The following VPS72 variants were observed in gnomAD, a reference collection of about 807,000 sequenced individuals.
The protein encoded by VPS72 is vacuolar protein sorting 72 homolog, also known as vacuolar protein sorting-associated protein 72 homolog.
In VPS72, 27 loss-of-function variants were observed where a neutral mutation model predicts 38.9. The ratio of observed to expected loss-of-function variants is 0.69; its 90% CI spans 0.51 to 0.96. The LOEUF is 0.96. VPS72 is among the 40% of genes least tolerant of loss of function. VPS72 has a pLI of 0.00. For synonymous variants in VPS72, 173 were observed against 186.3 expected, an observed-to-expected ratio of 0.93 and a Z score of 0.58; for missense variants, 360 against 479.5, an observed-to-expected ratio of 0.75 and a Z score of 2.33.
At chr1:151,188,749 C>CA (rs1162201211) in intron 1 of VPS72, among the ~76,000 whole-genome samples, 1 of 152,214 alleles carries the variant, frequency 6.6e-6, no homozygotes, top group Non-Finnish European at 1.5e-5. Flanking sequence ...ATCATCCCTC[C>CA]AGGGATGCCT....
intron 4 of VPS72, among the ~76,000 whole-genome samples, chr1:151,180,454 T>C (rs1364849117): frequency 6.6e-6 from 1 of 151,962 alleles, no homozygotes; most frequent in African/African-American, 2.4e-5. Context: ...CTTTTTCTTT[T>C]TTGAGACAGA....
At chr1:151,181,942 C>G (rs1312676861) in intron 4 of VPS72, among the ~76,000 whole-genome samples, 2 of 152,158 alleles carry the variant, frequency 1.3e-5, no homozygotes, top group Non-Finnish European at 2.9e-5. Flanking sequence ...TGGTCTTGAA[C>G]TCCTGGGCTC....
chr1:151,181,188 C>T (rs1420708004), intron 4 of VPS72, among the ~76,000 whole-genome samples: 1 of 152,074 alleles, frequency 6.6e-6, no homozygotes, highest in East Asian at 1.9e-4. Flanking sequence ...CCCTTCAACA[C>T]TGCATGGCCA....
chr1:151,180,487 G>T (rs992121838), intron 4 of VPS72, among the ~76,000 whole-genome samples: 54 of 151,612 alleles, frequency 3.6e-4, no homozygotes, highest in African/African-American at 1.3e-3. Context: ...CGCCAGGTTG[G>T]AGTACAGTGG....
Position 151,184,373 on chromosome 1 carries a change from T to C in VPS72, c.506A>G (p.Gln169Arg), listed in dbSNP as rs1419901822. The C allele has an allele frequency of 6.2e-7, 1 of 1,614,000 alleles. No individual in the cohort carries two copies. Among genetic ancestry groups the C allele is most frequent in the Non-Finnish European group, 8.5e-7 (1 of 1,180,042 alleles). Residue 169 changes from glutamine (Q) to arginine (R), a missense_variant, in exon 4 of 6, where the codon CAG (glutamine) becomes CGG (arginine). Physicochemically the swap from Gln to Arg is conservative, Grantham distance 43. Coordinates refer to ENST00000368892, the MANE Select transcript of VPS72 (RefSeq NM_005997.3). ...CTTGGCCTCCCGGAGCAGTTCCTCC[T>C]GGGTTAGTGGCCGCTCACAGTGGGG... is the stretch of plus-strand genomic sequence containing the variant. Reference protein sequence around the residue: ...KGPHCERPLTQEELLREAKIT... With the variant: ...KGPHCERPLTREELLREAKIT...
rs914102412 is a variant in VPS72 at position 151,176,853 on chromosome 1, G to A, written c.886C>T (p.His296Tyr). 6.2e-7 allele frequency: 1 copy of A among 1,614,066 alleles called. No homozygotes were observed. The highest frequency in any genetic ancestry group is 1.3e-5 in the African/African-American group (1 of 74,904). ...VPVREVCPVT[H>Y]RPALYRDPVT... ...GGGTCCCGGTATAGGGCTGGACGAT[G>A]GGTCACTGGACAGACCTCACGAACA... The change falls in exon 6 of 6, where the codon CAT becomes TAT. Residue 296 changes from histidine (H) to tyrosine (Y), a missense_variant. By Grantham distance (83) the His-to-Tyr change is moderately conservative. This residue lies in a region of VPS72 where 294 missense variants were observed against 356.3 expected (regional missense o/e 0.83). Transcript: ENST00000368892.
rs587725464 is a variant in VPS72, at chr1:151,184,291, C to A, written c.562+26G>T. 8.1e-5 allele frequency: 130 copies of A among 1,610,776 alleles called. 2 individuals carry two copies. The South Asian group carries it at 1.4e-3, about 17-fold the overall frequency. ...TCTCATGCCCCTCAGCCCCTCTACT[C>A]ACTTTTTCTGAAACCACAGACTTAC... On this transcript the variant is annotated intron_variant, in intron 4 of 5. Coordinates refer to ENST00000368892, the MANE Select transcript of VPS72 (RefSeq NM_005997.3).
At chr1:151,179,909 T>C (rs1201164896) in intron 4 of VPS72, among the ~76,000 whole-genome samples, 2 of 151,438 alleles carry the variant, frequency 1.3e-5, no homozygotes, top group South Asian at 2.1e-4. Flanking sequence ...AAAACAAACA[T>C]ACGAAAAAAA....
In VPS72 at chr1:151,176,633, T is replaced by C. The variant is rs1483790375; in HGVS notation, c.*11A>G. 1 of 1,612,178 alleles carries C rather than the reference T, an allele frequency of 6.2e-7. No individual in the cohort carries two copies. The highest frequency in any genetic ancestry group is 8.5e-7 in the Non-Finnish European group (1 of 1,179,400). ...GGGCAGGAAAGAAGTTTCTGAGGAC[T>C]AGACATCTCTTCATTTAATGACAAT... On this transcript the variant is annotated 3_prime_UTR_variant, in exon 6 of 6. Transcript: ENST00000368892.
At chr1:151,181,718 C>A (rs1488185210) in intron 4 of VPS72, among the ~76,000 whole-genome samples, 1 of 152,154 alleles carries the variant, frequency 6.6e-6, no homozygotes, top group South Asian at 2.1e-4. Flanking sequence ...CAGCAGGTCC[C>A]TCAATACTGC....
At chr1:151,187,006 C>T (rs1684365892) in intron 1 of VPS72, among the ~76,000 whole-genome samples, 1 of 152,092 alleles carries the variant, frequency 6.6e-6, no homozygotes, top group South Asian at 2.1e-4. Context: ...ATTCCTCAGG[C>T]GTGTTGGGAC....
chr1:151,184,429 C>G lies in VPS72; in HGVS notation c.450G>C (p.Glu150Asp), dbSNP rs1348391375. The change falls in exon 4 of 6, where the codon GAG (glutamate) becomes GAC (aspartate). Residue 150 changes from glutamate (E) to aspartate (D), a missense_variant. By Grantham distance (45) the Glu-to-Asp change is conservative (BLOSUM62 2). Coordinates refer to ENST00000368892, the MANE Select transcript of VPS72 (RefSeq NM_005997.3). Reference sequence around the variant, plus strand: ...TTCGCCGTCTTGACTGGCCCTGCCTCTCCTGTACCCGAAGGAACGTTTGTC... The same window carrying G: ...TTCGCCGTCTTGACTGGCCCTGCCTGTCCTGTACCCGAAGGAACGTTTGTC... Reference protein sequence around the residue: ...HTRQTFLRVQERQGQSRRRKG... With the variant: ...HTRQTFLRVQDRQGQSRRRKG... 1 of 1,613,948 alleles carries G rather than the reference C, an allele frequency of 6.2e-7. No homozygotes were observed. The highest frequency in any genetic ancestry group is 8.5e-7 in the Non-Finnish European group (1 of 1,180,046).
rs770447325 is a variant in VPS72, at chr1:151,177,059, A to G, written c.708-28T>C. On this transcript the variant is annotated intron_variant, in intron 5 of 5. Transcript: ENST00000368892. ...GAGGACAAAAGACAAGGAAAAACAC[A>G]AAGAGCTGAGGAGAGAAGACAACAG... 1.9e-5 allele frequency: 29 copies of G among 1,526,358 alleles called. No homozygotes were observed. In the Middle Eastern group the frequency reaches 3.9e-3, roughly 203 times the overall value. 94.6% of individuals were successfully genotyped at this position (1,526,358 alleles called of 1,614,324 possible).
rs1334662823 is a variant in VPS72, at chr1:151,182,109, C to T, written c.562+2208G>A. On this transcript the variant is annotated intron_variant, in intron 4 of 5. Coordinates refer to ENST00000368892, the MANE Select transcript of VPS72 (RefSeq NM_005997.3). ...ATGGCACGATCTCGGCTCACCGCAA[C>T]CCCCGCCTCCCGGGTTCAAGTGATT... is the stretch of plus-strand genomic sequence containing the variant. Among the ~76,000 whole-genome samples the T allele has an allele frequency of 3.3e-5, 5 of 152,254 alleles. No individual in the cohort carries two copies. The East Asian group carries it at 9.7e-4, about 29-fold the overall frequency.
rs757909635 is a variant in VPS72, at chr1:151,176,996, G to A, written c.743C>T (p.Pro248Leu). The change falls in exon 6 of 6, where the codon CCT (proline) becomes CTT (leucine). Residue 248 changes from proline to leucine, a missense_variant. By Grantham distance (98) the Pro-to-Leu change is moderately conservative (BLOSUM62 -3). Coordinates refer to ENST00000368892, the MANE Select transcript of VPS72 (RefSeq NM_005997.3). Reference sequence around the variant, plus strand: ...GTTGACGGGTCCAGTCCCAGCATGAGGAGTCAATGCAGACACCGAGGGAGC... The same window carrying A: ...GTTGACGGGTCCAGTCCCAGCATGAAGAGTCAATGCAGACACCGAGGGAGC... ...DPAPSVSALT[P>L]HAGTGPVNPP... 5 of 1,591,510 alleles carry A rather than the reference G, an allele frequency of 3.1e-6. No individual in the cohort carries two copies. Among genetic ancestry groups the A allele is most frequent in the Middle Eastern group, 1.7e-4 (1 of 5,920 alleles).
chr1:151,185,885 A>G lies in VPS72; in HGVS notation c.183T>C (p.Phe61=), dbSNP rs753348679. 6.2e-7 allele frequency: 1 copy of G among 1,613,890 alleles called. No homozygotes were observed. Among genetic ancestry groups the G allele is most frequent in the Admixed American group, 1.7e-5 (1 of 59,960 alleles). The change falls in exon 2 of 6, where the codon TTT becomes TTC. Residue 61 remains phenylalanine, a synonymous_variant. Coordinates refer to ENST00000368892, the MANE Select transcript of VPS72 (RefSeq NM_005997.3). The part of the protein sequence containing the change: ...SDTEDEVDSD[F]DIDEGDEPSS... ...ATGGTTCATCCCCTTCATCAATGTC[A>G]AAGTCAGAGTCCACTTCGTCCTCTG... is the stretch of plus-strand genomic sequence containing the variant.
At chr1:151,189,916 T>G in intron 1 of VPS72, 89 bp downstream of exon 1, 2 of 1,468,940 alleles carry the variant, frequency 1.4e-6, no homozygotes, top group Non-Finnish European at 1.9e-6. Flanking sequence ...TCCTCTCTAT[T>G]CCCCGCCCTC....
intron 4 of VPS72, among the ~76,000 whole-genome samples, chr1:151,178,825 ATGTTACCTGCC>A (rs1471047241): frequency 6.6e-6 from 1 of 151,968 alleles, no homozygotes; most frequent in African/African-American, 2.4e-5. Context: ...TGCACACTTC[ATGTTACCTGCC>A]TGGTCTCCGT....
At position 151,184,468 on chromosome 1, in the gene VPS72, T is replaced by A. The variant is rs764323163; in HGVS notation, c.411A>T (p.Thr137=). The A allele has an allele frequency of 6.2e-7, 1 of 1,613,692 alleles. No homozygotes were observed. Among genetic ancestry groups the A allele is most frequent in the Admixed American group, 1.7e-5 (1 of 60,008 alleles). Residue 137 remains threonine (T), a synonymous_variant, in exon 4 of 6, where the codon ACA becomes ACT. Coordinates refer to ENST00000368892, the MANE Select transcript of VPS72 (RefSeq NM_005997.3). ...GGAACGTTTGTCGTGTATGCTCAGC[T>A]GTAGACTGACGCATAGACTTCCGAC... is the stretch of plus-strand genomic sequence containing the variant. The part of the protein sequence containing the change: ...SDSRKSMRQS[T]AEHTRQTFLR...
Sources: allele counts gnomAD v4.1 joint callset (sites outside exome capture counted in the v4.1 genomes callset), GRCh38; gene constraint gnomAD v4.1.1; regional missense constraint gnomAD v4.1.1; transcripts MANE v1.5; gene names NCBI Gene and HGNC (gene_info 2026-07-23, HGNC 2026-07-21).